Variants in TRMT61A observed in about 807,000 individuals in gnomAD.
TRMT61A encodes tRNA (adenine(58)-N(1))-methyltransferase catalytic subunit TRMT61A.
A neutral mutation model predicts 21.3 loss-of-function variants in TRMT61A; 15 were observed. The observed-to-expected ratio is 0.70, with a 90% CI of 0.47 to 1.08. The LOEUF (loss-of-function observed/expected upper bound fraction) is 1.08. Among genes scored for constraint, TRMT61A ranks in the 50% least tolerant of loss-of-function variants. The pLI, the probability that TRMT61A is intolerant of heterozygous loss-of-function variation, is 0.00. For synonymous variants in TRMT61A, 183 were observed against 185.5 expected (o/e 0.99, Z 0.11); for missense variants, 352 against 426.7 (o/e 0.83, Z 1.54).
At chr14:103,532,360 T>C (rs2075957379) in intron 2 of TRMT61A, among the ~76,000 whole-genome samples, 1 of 152,150 alleles carries the variant, frequency 6.6e-6, no homozygotes, top group Admixed American at 6.5e-5. Context: ...ATACACAGCC[T>C]GTCAACCCCA....
At position 103,531,329 on chromosome 14, in the gene TRMT61A, C is replaced by T. The variant is rs946515178; in HGVS notation, c.331+1020C>T. Among the ~76,000 whole-genome samples the T allele has an allele frequency of 1.3e-5, 2 of 152,136 alleles. No homozygotes were observed. Among genetic ancestry groups the T allele is most frequent in the Non-Finnish European group, 2.9e-5 (2 of 68,028 alleles). ...GTGGGGACTCTCCAGCTAGGCCAGGCAGGGAAGACCTCTCTGAGGAGGGGA... is the reference window on the plus strand; with the variant it reads ...GTGGGGACTCTCCAGCTAGGCCAGGTAGGGAAGACCTCTCTGAGGAGGGGA... On this transcript the variant is annotated intron_variant, in intron 2 of 3. Transcript: ENST00000389749. The surrounding 1 kb of genome is among the most constrained non-coding windows in gnomAD (Gnocchi z 5.1).
chr14:103,532,566 C>G lies in TRMT61A; in HGVS notation c.332-16C>G, dbSNP rs1321622057. The G allele has an allele frequency of 1.2e-6, 2 of 1,612,982 alleles. No individual in the cohort carries two copies. Among genetic ancestry groups the G allele is most frequent in the East Asian group, 2.2e-5 (1 of 44,892 alleles). On this transcript the variant is annotated splice_polypyrimidine_tract_variant and intron_variant, in intron 2 of 3. Transcript: ENST00000389749. ...GTCCCAACTGATGCCTTGCCCATCC[C>G]TTCTTGTCCTGCCAGGCACCGGCAG...
intron 3 of TRMT61A, 137 bp downstream of exon 3, chr14:103,532,985 C>T: frequency 8.0e-7 from 1 of 1,253,756 alleles, no homozygotes; most frequent in Non-Finnish European, 1.1e-6. Flanking sequence ...CCCACTTTGG[C>T]CTGAGGTGAG....
At position 103,534,681 on chromosome 14, in the gene TRMT61A, A is replaced by G. The variant is rs756976706; in HGVS notation, c.730A>G (p.Ser244Gly). Residue 244 changes from serine to glycine, a missense_variant, in exon 4 of 4, where the codon AGC becomes GGC. Transcript: ENST00000389749. The part of the protein sequence containing the change: ...LPQVYNVRTV[S>G]LPPPDLGTGT... ...ACAGGTCTACAACGTGCGCACTGTC[A>G]GCCTGCCACCGCCCGACCTGGGCAC... is the stretch of plus-strand genomic sequence containing the variant. The G allele has an allele frequency of 1.2e-6, 2 of 1,610,066 alleles. No individual in the cohort carries two copies.
At position 103,530,255 on chromosome 14, in the gene TRMT61A, GC is replaced by G. The variant is rs760629689; in HGVS notation, c.280del (p.Leu94SerfsTer4). ...RTQILYSTDI[A>X]LITMMLELRP... ...GCAGATCCTCTACTCCACAGACATC[GC>G]CCTCATCACCATGATGTTGGAGCTT... On this transcript the variant is annotated frameshift_variant, in exon 2 of 4. Transcript: ENST00000389749. LOFTEE classifies it high-confidence loss of function. 12 of 1,603,934 alleles carry G rather than the reference GC, an allele frequency of 7.5e-6. No homozygotes were observed. The highest frequency in any genetic ancestry group is 1.7e-5 in the Admixed American group (1 of 59,876).
At chr14:103,532,536 G>C (rs369433036) in intron 2 of TRMT61A, 46 bp from the exon 3 acceptor site, 5 of 1,611,814 alleles carry the variant, frequency 3.1e-6, no homozygotes, top group Non-Finnish European at 4.2e-6. Flanking sequence ...TGTGGGTCCC[G>C]AGCAGTCCCA....
chr14:103,530,646 A>G (rs2075951123), intron 2 of TRMT61A, among the ~76,000 whole-genome samples: 1 of 152,124 alleles, frequency 6.6e-6, no homozygotes, highest in South Asian at 2.1e-4. Flanking sequence ...CTCCGTGCTG[A>G]TGGTGAAGCA....
In TRMT61A at chr14:103,531,162, C is replaced by G. The variant is rs1035287897; in HGVS notation, c.331+853C>G. 1.3e-5 allele frequency among the ~76,000 whole-genome samples: 2 copies of G among 152,170 alleles called. No homozygotes were observed. The highest frequency in any genetic ancestry group is 2.4e-5 in the African/African-American group (1 of 41,446). On this transcript the variant is annotated intron_variant, in intron 2 of 3. Transcript: ENST00000389749. This position sits in a 1 kb window ranked among gnomAD's most constrained non-coding sequence, Gnocchi z 5.1. The stretch of plus-strand genomic sequence containing the variant: ...CTTCTCCTGGCCTCCTCAGATATGC[C>G]AGGTCCCCTCCTAGGAACCGTGAAC...
Position 103,535,221 on chromosome 14 carries a change from C to CCCCCACGGCCCTGGCTG in TRMT61A, c.*409_*425dup. On this transcript the variant is annotated 3_prime_UTR_variant, in exon 4 of 4. Transcript: ENST00000389749. ...GACCACGCTGCGTCTGACCCCTGGG[C>CCCCCACGGCCCTGGCTG]CCCCACGGCCCTGGCTGCCCCACGG... 2.1e-6 allele frequency: 1 copy of CCCCCACGGCCCTGGCTG among 471,816 alleles called. No homozygotes were observed. The highest frequency in any genetic ancestry group is 4.2e-6 in the Non-Finnish European group (1 of 238,074). The allele number at this position is 471,816 out of a possible 1,614,324, so 29.2% of individuals were successfully genotyped here. A position where few individuals can be genotyped will look rare whatever the true frequency, so the allele number is the denominator to read the frequency against.
At position 103,534,539 on chromosome 14, in the gene TRMT61A, GT is replaced by G. The variant is rs2075966125; in HGVS notation, c.599-8del. The G allele has an allele frequency of 6.5e-7, 1 of 1,547,422 alleles. No individual in the cohort carries two copies. ...CCCTGCCCTCTGACCCTCGGGTCCT[GT>G]TTCCCACAGGCGGGCGCTTCTGCTC... On this transcript the variant is annotated splice_polypyrimidine_tract_variant and intron_variant, in intron 3 of 3. Coordinates refer to ENST00000389749, the MANE Select transcript of TRMT61A (RefSeq NM_152307.3).
At chr14:103,532,038 C>T (rs1430378120) in intron 2 of TRMT61A, among the ~76,000 whole-genome samples, 2 of 151,604 alleles carry the variant, frequency 1.3e-5, no homozygotes, top group Non-Finnish European at 2.9e-5. Flanking sequence ...AGAGCCCCAG[C>T]CCCTGTGTGG....
At chr14:103,534,311 A>G (rs546828898) in intron 3 of TRMT61A, among the ~76,000 whole-genome samples, 3 of 152,154 alleles carry the variant, frequency 2.0e-5, no homozygotes, top group Non-Finnish European at 1.5e-5. Context: ...GGCACATGGG[A>G]GGGCCTGGCA....
chr14:103,535,533 GA>G lies in TRMT61A; in HGVS notation c.*713del, dbSNP rs1275817511. On this transcript the variant is annotated 3_prime_UTR_variant, in exon 4 of 4. Transcript: ENST00000389749. The stretch of plus-strand genomic sequence containing the variant: ...CTCGCTGAGGCCAGGCAGCGCTGCG[GA>G]GAGGAGCGGCAGAGTGGGTTGTCTG... 8.6e-6 allele frequency: 3 copies of G among 347,354 alleles called. No individual in the cohort carries two copies. The highest frequency in any genetic ancestry group is 1.7e-5 in the Non-Finnish European group (3 of 174,528). 21.5% of individuals were successfully genotyped at this position (347,354 alleles called of 1,614,324 possible). A position where few individuals can be genotyped will look rare whatever the true frequency, so the allele number is the denominator to read the frequency against.
chr14:103,534,905 T>C lies in TRMT61A; in HGVS notation c.*84T>C, dbSNP rs1180962113. 3 of 1,505,484 alleles carry C rather than the reference T, an allele frequency of 2.0e-6. No homozygotes were observed. In the South Asian group the frequency reaches 3.6e-5, roughly 18 times the overall value. The allele number at this position is 1,505,484 out of a possible 1,614,324, so 93.3% of individuals were successfully genotyped here. A position where few individuals can be genotyped will look rare whatever the true frequency, so the allele number is the denominator to read the frequency against. ...CAGAGGCACCTTATATGGTCAGCGA[T>C]GCCTGCCAGACACAGACGGTGGGGT... On this transcript the variant is annotated 3_prime_UTR_variant, in exon 4 of 4. Coordinates refer to ENST00000389749, the MANE Select transcript of TRMT61A (RefSeq NM_152307.3).
chr14:103,532,865 G>T lies in TRMT61A; in HGVS notation c.598+17G>T. 1 of 1,534,178 alleles carries T rather than the reference G, an allele frequency of 6.5e-7. No homozygotes were observed. Among genetic ancestry groups the T allele is most frequent in the South Asian group, 1.2e-5 (1 of 82,454 alleles). Reference sequence around the variant, plus strand: ...AGGTCGAAGGTGCATCCGGGGTTCCGGGAGAGGTACAGCCTGGGTGGGGGT... The same window carrying T: ...AGGTCGAAGGTGCATCCGGGGTTCCTGGAGAGGTACAGCCTGGGTGGGGGT... On this transcript the variant is annotated intron_variant, in intron 3 of 3. Coordinates refer to ENST00000389749, the MANE Select transcript of TRMT61A (RefSeq NM_152307.3).
Position 103,535,523 on chromosome 14 carries a change from C to A in TRMT61A, c.*702C>A. 2.8e-6 allele frequency: 1 copy of A among 357,518 alleles called. No individual in the cohort carries two copies. Among genetic ancestry groups the A allele is most frequent in the South Asian group, 2.1e-5 (1 of 48,378 alleles). 22.1% of individuals were successfully genotyped at this position (357,518 alleles called of 1,614,324 possible). On this transcript the variant is annotated 3_prime_UTR_variant, in exon 4 of 4. Coordinates refer to ENST00000389749, the MANE Select transcript of TRMT61A (RefSeq NM_152307.3). ...ATGGGCTGCACTCGCTGAGGCCAGG[C>A]AGCGCTGCGGAGAGGAGCGGCAGAG...
At position 103,531,388 on chromosome 14, in the gene TRMT61A, G is replaced by A. The variant is rs897466344; in HGVS notation, c.331+1079G>A. On this transcript the variant is annotated intron_variant, in intron 2 of 3. Transcript: ENST00000389749. The surrounding 1 kb of genome is among the most constrained non-coding windows in gnomAD (Gnocchi z 5.1). ...TTGAAAATGATGAGGAGGGACCTAC[G>A]AAGAGCCAAGGGACAGCTCTGCACC... is the stretch of plus-strand genomic sequence containing the variant. Among the ~76,000 whole-genome samples the A allele has an allele frequency of 6.6e-6, 1 of 152,196 alleles. No homozygotes were observed. Among genetic ancestry groups the A allele is most frequent in the African/African-American group, 2.4e-5 (1 of 41,444 alleles).
intron 3 of TRMT61A, among the ~76,000 whole-genome samples, chr14:103,533,814 A>G (rs2075963282): frequency 6.6e-6 from 1 of 152,198 alleles, no homozygotes; most frequent in Admixed American, 6.5e-5. Context: ...CGGCATGCTC[A>G]GCCTCTGTGC....
At position 103,532,600 on chromosome 14, in the gene TRMT61A, T is replaced by C; in HGVS notation, c.350T>C (p.Val117Ala). 5 of 1,613,360 alleles carry C rather than the reference T, an allele frequency of 3.1e-6. No individual in the cohort carries two copies. The highest frequency in any genetic ancestry group is 4.2e-6 in the Non-Finnish European group (5 of 1,180,002). ...VCESGTGSGS[V>A]SHAIIRTIAP... ...CTGCCAGGCACCGGCAGTGGCTCTG[T>C]GTCCCACGCCATCATCCGCACCATT... Residue 117 changes from valine to alanine, a missense_variant, in exon 3 of 4, where the codon GTG becomes GCG. Coordinates refer to ENST00000389749, the MANE Select transcript of TRMT61A (RefSeq NM_152307.3).
Sources: gnomAD v4.1 joint callset for allele counts (sites outside exome capture counted in the v4.1 genomes callset) on GRCh38, gnomAD v4.1.1 for gene constraint, Gnocchi (gnomAD v3.1) non-coding constraint, MANE v1.5 for transcripts, NCBI Gene and HGNC (gene_info 2026-07-23, HGNC 2026-07-21) for gene names.